UTP6: variants seen among roughly 807,000 people sequenced by gnomAD.
The protein encoded by UTP6 is U3 small nucleolar RNA-associated protein 6 homolog.
In UTP6, 60 loss-of-function variants were observed where a neutral mutation model predicts 96.5. The ratio of observed to expected loss-of-function variants is 0.62; its 90% CI spans 0.51 to 0.77. The LOEUF (loss-of-function observed/expected upper bound fraction) is 0.77. Among genes scored for constraint, UTP6 ranks in the 30% least tolerant of loss-of-function variants. UTP6 has a pLI of 0.00. For synonymous variants in UTP6, 215 were observed against 240.1 expected, an observed-to-expected ratio of 0.90 and a Z score of 0.96; for missense variants, 637 against 706.5, an observed-to-expected ratio of 0.90 and a Z score of 1.12.
chr17:31,877,962 G>A (rs577765689), intron 13 of UTP6, among the ~76,000 whole-genome samples: 4 of 135,994 alleles, frequency 2.9e-5, no homozygotes, highest in Non-Finnish European at 6.2e-5. Context: ...GTGAAACTCC[G>A]TCTCAAAAAA....
At chr17:31,897,331 G>A (rs942931685) in intron 2 of UTP6, among the ~76,000 whole-genome samples, 10 of 151,854 alleles carry the variant, frequency 6.6e-5, no homozygotes, top group African/African-American at 2.4e-4. Context: ...CTCATTTTGA[G>A]TGAGCAATCT....
At chr17:31,901,230 G>T in intron 1 of UTP6, 1 of 364,288 alleles carries the variant, frequency 2.7e-6, no homozygotes, top group South Asian at 3.5e-5. Flanking sequence ...TAATTTGTCT[G>T]TCTCCCCCAC....
chr17:31,865,276 G>T, intron 18 of UTP6, 90 bp downstream of exon 18: 1 of 1,383,226 alleles, frequency 7.2e-7, no homozygotes, highest in Middle Eastern at 1.8e-4. Context: ...GCCTCCCAAA[G>T]TGCTGGGATT....
chr17:31,890,014 A>G (rs1263479034), intron 6 of UTP6, among the ~76,000 whole-genome samples: 3 of 151,652 alleles, frequency 2.0e-5, no homozygotes, highest in Admixed American at 2.0e-4. Flanking sequence ...GTCACATACA[A>G]TTTTTTTCTT....
chr17:31,878,629 A>G (rs1375247538), intron 12 of UTP6, 73 bp downstream of exon 12: 2 of 1,409,464 alleles, frequency 1.4e-6, no homozygotes, highest in African/African-American at 2.9e-5. Context: ...CAGACACCAA[A>G]AGATCTGTGC....
chr17:31,881,914 A>G (rs1409546842), intron 10 of UTP6, among the ~76,000 whole-genome samples: 3 of 151,696 alleles, frequency 2.0e-5, no homozygotes, highest in African/African-American at 7.3e-5. Context: ...ATGGTCTCCA[A>G]CTCCTGGGTG....
intron 10 of UTP6, among the ~76,000 whole-genome samples, chr17:31,880,966 G>A (rs929778102): frequency 8.5e-5 from 13 of 152,064 alleles, no homozygotes; most frequent in Middle Eastern, 3.4e-3. Context: ...ACCTGAGGTC[G>A]GGAGTTCGAG....
intron 10 of UTP6, among the ~76,000 whole-genome samples, chr17:31,881,273 T>C (rs1910823854): frequency 6.6e-6 from 1 of 150,968 alleles, no homozygotes; most frequent in Non-Finnish European, 1.5e-5. Flanking sequence ...TTCACTTTTT[T>C]TTTTTTTTTT....
At chr17:31,882,283 G>A (rs1299487010) in intron 10 of UTP6, among the ~76,000 whole-genome samples, 2 of 150,170 alleles carry the variant, frequency 1.3e-5, no homozygotes, top group Non-Finnish European at 3.0e-5. Flanking sequence ...CGCCCGCCTC[G>A]GCCTTCCCAA....
chr17:31,901,383 T>C lies in UTP6; in HGVS notation c.92+153A>G, dbSNP rs1904970963. 8.8e-6 allele frequency: 6 copies of C among 680,882 alleles called. No homozygotes were observed. In the East Asian group the frequency reaches 1.6e-4, roughly 19 times the overall value. The allele number at this position is 680,882 out of a possible 1,614,324, so 42.2% of individuals were successfully genotyped here. ...GATTACCTTGCAACGAATGAAAAAT[T>C]AATTCTGGACATCACCGAAAACGAG... is the stretch of plus-strand genomic sequence containing the variant. On this transcript the variant is annotated intron_variant, in intron 1 of 18. Transcript: ENST00000261708.
rs1190134665 is a variant in UTP6, at chr17:31,884,156, G to A, written c.785+268C>T. ...TGGGATTACAGGCATGCACTACCAC[G>A]CCCAACTAATTTTGTATTTTTAGTA... is the stretch of plus-strand genomic sequence containing the variant. On this transcript the variant is annotated intron_variant, in intron 10 of 18. Transcript: ENST00000261708. 6.6e-5 allele frequency among the ~76,000 whole-genome samples: 10 copies of A among 151,630 alleles called. No individual in the cohort carries two copies. The East Asian group carries it at 7.8e-4, about 12-fold the overall frequency.
In UTP6 at chr17:31,863,466, G is replaced by T. The variant is rs943253628; in HGVS notation, c.1687C>A (p.Pro563Thr). 3.1e-6 allele frequency: 5 copies of T among 1,613,710 alleles called. No individual in the cohort carries two copies. In the East Asian group the frequency reaches 8.9e-5, roughly 29 times the overall value. The change falls in exon 19 of 19, where the codon CCT (proline) becomes ACT (threonine). Residue 563 changes from proline (P) to threonine (T), a missense_variant. Coordinates refer to ENST00000261708, the MANE Select transcript of UTP6 (RefSeq NM_018428.3). ...CAGTAGATCTGTCCACAGTTCTCAG[G>T]TCTACCAAGGGGGTGGTTCAATTCT... ...KEELNHPLGR[P>T]ENCGQIYWRA...
At position 31,873,507 on chromosome 17, in the gene UTP6, A is replaced by G. The variant is rs1910309798; in HGVS notation, c.1387-20T>C. ...AGCTTTCTACAATTTAAAAGAAAAAAGAAAGAAGCTATGTGAGAAAACTTA... is the reference window on the plus strand; with the variant it reads ...AGCTTTCTACAATTTAAAAGAAAAAGGAAAGAAGCTATGTGAGAAAACTTA... On this transcript the variant is annotated intron_variant, in intron 15 of 18. Coordinates refer to ENST00000261708, the MANE Select transcript of UTP6 (RefSeq NM_018428.3). 1 of 1,608,798 alleles carries G rather than the reference A, an allele frequency of 6.2e-7. No homozygotes were observed. The highest frequency in any genetic ancestry group is 1.1e-5 in the South Asian group (1 of 89,982).
intron 11 of UTP6, 40 bp from the exon 12 acceptor site, chr17:31,878,821 G>C (rs748364517): frequency 6.4e-7 from 1 of 1,567,838 alleles, no homozygotes; most frequent in East Asian, 2.2e-5. Context: ...AGATCACTTA[G>C]TTCAACATTC....
At chr17:31,866,913 A>AAAC (rs58862601) in intron 17 of UTP6, among the ~76,000 whole-genome samples, 4 of 147,268 alleles carry the variant, frequency 2.7e-5, no homozygotes, top group Non-Finnish European at 4.5e-5. Context: ...AAAAAAAAAA[A>AAAC]GTCAATTTAA....
intron 16 of UTP6, among the ~76,000 whole-genome samples, chr17:31,869,661 T>C (rs1159593581): frequency 1.3e-5 from 2 of 152,178 alleles, no homozygotes; most frequent in African/African-American, 2.4e-5. Flanking sequence ...ATCAGCCATG[T>C]ATTGTTTTAA....
Position 31,863,375 on chromosome 17 carries a change from T to C in UTP6, c.1778A>G (p.Gln593Arg). ...EAFVAKHAMH[Q>R]TGHL Reference sequence around the variant, plus strand: ...TCTTCATCTTCATAAATGGCCAGTCTGATGCATAGCATGTTTAGCTACAAA... The same window carrying C: ...TCTTCATCTTCATAAATGGCCAGTCCGATGCATAGCATGTTTAGCTACAAA... Residue 593 changes from glutamine to arginine, a missense_variant, in exon 19 of 19, where the codon CAG becomes CGG. By Grantham distance (43) the Gln-to-Arg change is conservative. Coordinates refer to ENST00000261708, the MANE Select transcript of UTP6 (RefSeq NM_018428.3). 5 of 1,613,832 alleles carry C rather than the reference T, an allele frequency of 3.1e-6. No homozygotes were observed. The highest frequency in any genetic ancestry group is 4.2e-6 in the Non-Finnish European group (5 of 1,179,962).
At position 31,898,807 on chromosome 17, in the gene UTP6, G is replaced by A. The variant is rs561382712; in HGVS notation, c.177+839C>T. 2.2e-4 allele frequency among the ~76,000 whole-genome samples: 33 copies of A among 152,280 alleles called. 1 individual carries two copies. In the South Asian group the frequency reaches 5.6e-3, roughly 26 times the overall value. ...ATCATAGCACTCGCTTTGGGAGGCC[G>A]ATGCTGGTGGATTGCTTGAGGCCAG... On this transcript the variant is annotated intron_variant, in intron 2 of 18. Coordinates refer to ENST00000261708, the MANE Select transcript of UTP6 (RefSeq NM_018428.3).
At chr17:31,872,755 C>T (rs896117784) in intron 16 of UTP6, among the ~76,000 whole-genome samples, 1 of 152,080 alleles carries the variant, frequency 6.6e-6, no homozygotes, top group Non-Finnish European at 1.5e-5. Context: ...AATCCCAGCA[C>T]TTTGAGAGGC....
Sources: gnomAD v4.1 joint callset for allele counts (sites outside exome capture counted in the v4.1 genomes callset) on GRCh38, gnomAD v4.1.1 for gene constraint, MANE v1.5 for transcripts, NCBI Gene and HGNC (gene_info 2026-07-23, HGNC 2026-07-21) for gene names.